ATG5: variants seen among roughly 807,000 people sequenced by gnomAD.
ATG5 encodes the protein autophagy protein 5.
In ATG5, 14 loss-of-function variants were observed where a neutral mutation model predicts 36.5. That is an observed-to-expected ratio of 0.38 (90% CI 0.25 to 0.60). The LOEUF (loss-of-function observed/expected upper bound fraction) is 0.60, where lower values mean the gene tolerates loss of function less well. Among genes scored for constraint, ATG5 ranks in the 20% least tolerant of loss-of-function variants. ATG5 has a pLI of 0.60. For synonymous variants in ATG5, 95 were observed against 101.5 expected (o/e 0.94, Z 0.38); for missense variants, 195 against 326.7 (o/e 0.60, Z 3.11).
At chr6:106,253,235 G>T (rs1412718303) in intron 5 of ATG5, among the ~76,000 whole-genome samples, 3 of 152,162 alleles carry the variant, frequency 2.0e-5, no homozygotes, top group African/African-American at 7.2e-5. Flanking sequence ...TGCCTTATGA[G>T]CCAGGTCAAA....
intron 4 of ATG5, among the ~76,000 whole-genome samples, chr6:106,286,816 TA>T (rs1327849196): frequency 2.6e-5 from 4 of 152,166 alleles, no homozygotes; most frequent in African/African-American, 7.2e-5. Flanking sequence ...AACAAGAAGA[TA>T]GGCCCCTCAA....
chr6:106,191,983 T>G (rs1378313609), intron 7 of ATG5, among the ~76,000 whole-genome samples: 1 of 152,194 alleles, frequency 6.6e-6, no homozygotes, highest in African/African-American at 2.4e-5. Flanking sequence ...TTCAGTTCCA[T>G]TTTTATGCAG....
intron 6 of ATG5, among the ~76,000 whole-genome samples, chr6:106,221,115 T>G (rs1201215000): frequency 1.3e-5 from 2 of 152,054 alleles, no homozygotes; most frequent in Non-Finnish European, 2.9e-5. Context: ...AGCAGCAAGG[T>G]TCTAACTATT....
chr6:106,299,680 ATGTT>A (rs1204920351), intron 3 of ATG5, among the ~76,000 whole-genome samples: 2 of 152,032 alleles, frequency 1.3e-5, no homozygotes, highest in Admixed American at 1.3e-4. Context: ...GTGTGTGTGT[ATGTT>A]TGTGCATGTG....
At chr6:106,277,055 A>G (rs1779685248) in intron 5 of ATG5, among the ~76,000 whole-genome samples, 1 of 152,230 alleles carries the variant, frequency 6.6e-6, no homozygotes, top group Admixed American at 6.5e-5. Context: ...TTTTAAAACA[A>G]AGAAATGAGA....
At chr6:106,308,335 T>C (rs1028338056) in intron 3 of ATG5, 29 bp downstream of exon 3, 3 of 1,534,128 alleles carry the variant, frequency 2.0e-6, no homozygotes, top group Non-Finnish European at 2.6e-6. Flanking sequence ...ATATACTTAA[T>C]GCTTAATAAT....
At chr6:106,216,873 C>G (rs1477910380) in intron 6 of ATG5, among the ~76,000 whole-genome samples, 1 of 151,926 alleles carries the variant, frequency 6.6e-6, no homozygotes, top group Non-Finnish European at 1.5e-5. Context: ...CTGGGCAACA[C>G]AGACCATGTC....
intron 6 of ATG5, among the ~76,000 whole-genome samples, chr6:106,237,651 T>C (rs1777953547): frequency 6.6e-6 from 1 of 152,238 alleles, no homozygotes; most frequent in African/African-American, 2.4e-5. Flanking sequence ...TAATACTTTG[T>C]TGTACAATTT....
At chr6:106,262,607 A>C (rs2114555124) in intron 5 of ATG5, among the ~76,000 whole-genome samples, 1 of 152,306 alleles carries the variant, frequency 6.6e-6, no homozygotes, top group Non-Finnish European at 1.5e-5. Flanking sequence ...GCTCCCAGCG[A>C]GACAAACACA....
intron 7 of ATG5, among the ~76,000 whole-genome samples, chr6:106,190,564 A>G (rs1775934390): frequency 1.3e-5 from 2 of 152,080 alleles, no homozygotes; most frequent in South Asian, 4.1e-4. Context: ...CCTTTTCTAC[A>G]TTTCTTAACC....
chr6:106,239,789 G>C (rs1162515968), intron 6 of ATG5, among the ~76,000 whole-genome samples: 4 of 152,174 alleles, frequency 2.6e-5, no homozygotes, highest in Non-Finnish European at 5.9e-5. Flanking sequence ...GTTTTACTGG[G>C]ACAAAGCCAA....
intron 5 of ATG5, among the ~76,000 whole-genome samples, chr6:106,248,515 T>C (rs376465661): frequency 6.6e-6 from 1 of 152,310 alleles, no homozygotes; most frequent in African/African-American, 2.4e-5. Flanking sequence ...TACGACTACT[T>C]GTGTTATCAA....
At chr6:106,313,911 G>A (rs961066092) in intron 2 of ATG5, among the ~76,000 whole-genome samples, 5 of 152,142 alleles carry the variant, frequency 3.3e-5, no homozygotes, top group Non-Finnish European at 7.4e-5. Flanking sequence ...AATTTGGATT[G>A]TGCCATATGG....
intron 5 of ATG5, among the ~76,000 whole-genome samples, chr6:106,251,525 T>TAAA (rs570569186): frequency 7.2e-6 from 1 of 139,462 alleles, no homozygotes; most frequent in Non-Finnish European, 1.5e-5. Flanking sequence ...GAAGACACGA[T>TAAA]AAAAAAAAAA....
In ATG5 at chr6:106,256,596, C is replaced by T. The variant is rs1282843910; in HGVS notation, c.479-8352G>A. Among the ~76,000 whole-genome samples, 3 of 151,890 alleles carry T rather than the reference C, an allele frequency of 2.0e-5. No homozygotes were observed. In the East Asian group the frequency reaches 5.8e-4, roughly 29 times the overall value. ...AACATCATAGAATGTACTTAGAAAA[C>T]CTAGAGAGTACAGATTACTACACAA... On this transcript the variant is annotated intron_variant, in intron 5 of 7. Coordinates refer to ENST00000369076, the MANE Select transcript of ATG5 (RefSeq NM_004849.4).
chr6:106,191,819 G>T (rs1055487194), intron 7 of ATG5, among the ~76,000 whole-genome samples: 3 of 152,032 alleles, frequency 2.0e-5, no homozygotes, highest in African/African-American at 7.2e-5. Context: ...AGTAAAGAGC[G>T]ATTGTAATTC....
chr6:106,240,895 G>A (rs1003868542), intron 6 of ATG5, among the ~76,000 whole-genome samples: 1 of 152,210 alleles, frequency 6.6e-6, no homozygotes, highest in South Asian at 2.1e-4. Flanking sequence ...GCTCATGCCC[G>A]TAATCCCAGC....
At chr6:106,187,982 T>C (rs1482415847) in intron 7 of ATG5, among the ~76,000 whole-genome samples, 2 of 152,128 alleles carry the variant, frequency 1.3e-5, no homozygotes, top group African/African-American at 4.8e-5. Flanking sequence ...CTTAAAACAA[T>C]TTTGAAAAAA....
intron 6 of ATG5, among the ~76,000 whole-genome samples, chr6:106,241,073 A>G (rs1778105855): frequency 1.3e-5 from 2 of 152,232 alleles, no homozygotes; most frequent in South Asian, 4.1e-4. Flanking sequence ...GAATCACTTG[A>G]GCCTGGGAGA....
Sources: gnomAD v4.1 joint callset for allele counts (sites outside exome capture counted in the v4.1 genomes callset) on GRCh38, gnomAD v4.1.1 for gene constraint, MANE v1.5 for transcripts, NCBI Gene and HGNC (gene_info 2026-07-23, HGNC 2026-07-21) for gene names.